Variants in CNBD1 observed in about 807,000 individuals in gnomAD.
The protein encoded by CNBD1 is cyclic nucleotide binding domain containing 1, also known as cyclic nucleotide-binding domain-containing protein 1.
A neutral mutation model predicts 54.4 loss-of-function variants in CNBD1; 71 were observed. The observed-to-expected ratio is 1.30, with a 90% confidence interval of 1.08 to 1.59. CNBD1 has a LOEUF of 1.59. Among genes scored for constraint, CNBD1 ranks in the 40% most tolerant of loss-of-function variants. CNBD1 has a pLI of 0.00. For missense variants in CNBD1, 659 were observed against 518.0 expected, an observed-to-expected ratio of 1.27 and a Z score of -2.64; for synonymous variants, 182 against 170.7, an observed-to-expected ratio of 1.07 and a Z score of -0.51.
At chr8:87,325,461 GA>G (rs1484268643) in intron 8 of CNBD1, among the ~76,000 whole-genome samples, 2 of 90,172 alleles carry the variant, frequency 2.2e-5, no homozygotes, top group Non-Finnish European at 4.3e-5. Flanking sequence ...GGTCACTCAG[GA>G]CTTGCTTTAT....
At chr8:87,265,336 C>T (rs1176700355) in intron 6 of CNBD1, among the ~76,000 whole-genome samples, 1 of 152,036 alleles carries the variant, frequency 6.6e-6, no homozygotes, top group African/African-American at 2.4e-5. Flanking sequence ...TTTCTGAGGG[C>T]TCTGTTCTGT....
intron 8 of CNBD1, among the ~76,000 whole-genome samples, chr8:87,321,714 T>G (rs1809537496): frequency 6.6e-6 from 1 of 152,098 alleles, no homozygotes; most frequent in Admixed American, 6.6e-5. Context: ...ATTTGTCTAT[T>G]TTTGCTTTTT....
At chr8:87,181,862 A>T (rs867062916) in intron 4 of CNBD1, among the ~76,000 whole-genome samples, 1 of 151,932 alleles carries the variant, frequency 6.6e-6, no homozygotes, top group Middle Eastern at 3.4e-3. Flanking sequence ...TTTCCTTTTC[A>T]TGTGTAAATT....
chr8:87,096,008 C>T lies in CNBD1; in HGVS notation c.432-109985C>T, dbSNP rs558846718. Among the ~76,000 whole-genome samples the T allele has an allele frequency of 3.9e-5, 6 of 152,274 alleles. No homozygotes were observed. The East Asian group carries it at 1.2e-3, about 29-fold the overall frequency. On this transcript the variant is annotated intron_variant, in intron 4 of 10. Transcript: ENST00000518476. ...TGCTTCCTTTCTTAACTGAATGTAA[C>T]CTCAGAGGAAGTTAGGTAACAGATG...
At chr8:87,022,049 A>G (rs1035994088) in intron 4 of CNBD1, among the ~76,000 whole-genome samples, 3 of 152,246 alleles carry the variant, frequency 2.0e-5, no homozygotes, top group Non-Finnish European at 4.4e-5. Flanking sequence ...GAACTTACAG[A>G]TTAAGCATAA....
intron 4 of CNBD1, among the ~76,000 whole-genome samples, chr8:87,029,372 T>C (rs1185991074): frequency 6.6e-6 from 1 of 152,190 alleles, no homozygotes; most frequent in Non-Finnish European, 1.5e-5. Context: ...AGTAATATTT[T>C]CAAAGGCTTA....
chr8:87,410,274 T>G (rs772212980), intron 2 of CNBD1, among the ~76,000 whole-genome samples: 1 of 152,178 alleles, frequency 6.6e-6, no homozygotes, highest in Non-Finnish European at 1.5e-5. Context: ...ATTTCGATTT[T>G]CAAGTCATAT....
chr8:87,102,932 T>A (rs1269727089), intron 4 of CNBD1, among the ~76,000 whole-genome samples: 1 of 152,020 alleles, frequency 6.6e-6, no homozygotes, highest in Non-Finnish European at 1.5e-5. Flanking sequence ...TGTTAAATGA[T>A]AAAAGAGACA....
intron 8 of CNBD1, among the ~76,000 whole-genome samples, chr8:87,298,840 C>G (rs1808932805): frequency 6.6e-6 from 1 of 152,102 alleles, no homozygotes; most frequent in Non-Finnish European, 1.5e-5. Flanking sequence ...GAAAAATCAG[C>G]ATTTATTGAA....
intron 2 of CNBD1, among the ~76,000 whole-genome samples, chr8:87,402,065 C>G (rs1485302367): frequency 6.6e-6 from 1 of 151,920 alleles, no homozygotes; most frequent in Non-Finnish European, 1.5e-5. Context: ...TCCAGGGAGA[C>G]CTCACAATCA....
intron 10 of CNBD1, among the ~76,000 whole-genome samples, chr8:87,358,154 T>G (rs545592412): frequency 6.6e-6 from 1 of 152,262 alleles, no homozygotes; most frequent in African/African-American, 2.4e-5. Flanking sequence ...TAAACCTCTT[T>G]CCTTTATAGA....
At position 87,129,069 on chromosome 8, in the gene CNBD1, C is replaced by CAAAAAAAAAAAAAAAAAAAAAAAAAAA. The variant is rs570657716; in HGVS notation, c.432-76902_432-76901insAAAAAAAAAAAAAAAAAAAAAAAAAAA. On this transcript the variant is annotated intron_variant, in intron 4 of 10. Coordinates refer to ENST00000518476, the MANE Select transcript of CNBD1 (RefSeq NM_173538.3). ...TGAGCCACAGAGCAAGACTCTGCCT[C>CAAAAAAAAAAAAAAAAAAAAAAAAAAA]AAAAAAAAAAAAAAAAAAAAAAGAA... Among the ~76,000 whole-genome samples the CAAAAAAAAAAAAAAAAAAAAAAAAAAA allele has an allele frequency of 1.5e-3, 39 of 26,174 alleles. 5 individuals are homozygous for CAAAAAAAAAAAAAAAAAAAAAAAAAAA. The highest frequency in any genetic ancestry group is 2.3e-3 in the African/African-American group (15 of 6,422). The allele number at this position is 26,174 out of a possible 152,430, so 17.2% of individuals were successfully genotyped here. A position where few individuals can be genotyped will look rare whatever the true frequency, so the allele number is the denominator to read the frequency against.
At chr8:87,046,314 G>A (rs1002847896) in intron 4 of CNBD1, among the ~76,000 whole-genome samples, 3 of 152,142 alleles carry the variant, frequency 2.0e-5, no homozygotes, top group African/African-American at 7.2e-5. Flanking sequence ...GTATAGGATT[G>A]TTGTGTGCAT....
chr8:87,376,593 C>T (rs1810944722), intron 10 of CNBD1, among the ~76,000 whole-genome samples: 1 of 151,884 alleles, frequency 6.6e-6, no homozygotes, highest in Admixed American at 6.6e-5. Flanking sequence ...CACATTTGGA[C>T]ATATGTATTC....
chr8:87,225,107 T>A (rs1282406760), intron 5 of CNBD1, among the ~76,000 whole-genome samples: 1 of 151,044 alleles, frequency 6.6e-6, no homozygotes, highest in Non-Finnish European at 1.5e-5. Flanking sequence ...TCCTGAGACT[T>A]TGCTGAAGTT....
intron 6 of CNBD1, among the ~76,000 whole-genome samples, chr8:87,264,016 C>G (rs933906965): frequency 1.4e-4 from 21 of 151,712 alleles, no homozygotes; most frequent in African/African-American, 5.1e-4. Flanking sequence ...TTTTATTATA[C>G]TTTAAGTTTT....
intron 4 of CNBD1, among the ~76,000 whole-genome samples, chr8:87,006,832 C>T (rs1809107813): frequency 6.6e-6 from 1 of 152,198 alleles, no homozygotes; most frequent in Non-Finnish European, 1.5e-5. Context: ...TAATATTTAT[C>T]TAAGGTAAGA....
intron 8 of CNBD1, among the ~76,000 whole-genome samples, chr8:87,340,467 C>A (rs1810043364): frequency 6.6e-6 from 1 of 152,166 alleles, no homozygotes; most frequent in South Asian, 2.1e-4. Context: ...AAGTTTTCAG[C>A]CCTTATGTCT....
intron 4 of CNBD1, among the ~76,000 whole-genome samples, chr8:86,951,606 A>AAAAAT (rs1442350767): frequency 2.8e-5 from 4 of 143,778 alleles, no homozygotes; most frequent in Non-Finnish European, 4.6e-5. Flanking sequence ...AAAAAAAAAA[A>AAAAAT]AAAAAAAAAA....
Sources: allele counts gnomAD v4.1 joint callset (sites outside exome capture counted in the v4.1 genomes callset), GRCh38; gene constraint gnomAD v4.1.1; transcripts MANE v1.5; gene names NCBI Gene and HGNC (gene_info 2026-07-23, HGNC 2026-07-21).